Variants in ABCA13 observed in about 807,000 individuals in gnomAD.
ABCA13 encodes the protein ATP binding cassette subfamily A member 13.
Under a neutral mutation model 478.7 loss-of-function variants are expected in ABCA13, and 476 were observed. That is an observed-to-expected ratio of 0.99 (90% confidence interval 0.92 to 1.07). ABCA13 has a LOEUF of 1.07. Ranked by LOEUF, ABCA13 falls within the 50% of genes least tolerant of loss-of-function variation. The probability of loss-of-function intolerance (pLI) is 0.00; values close to 1 mark genes in which losing one functional copy is unlikely to be tolerated. For synonymous variants in ABCA13, 2,252 were observed against 2,158.9 expected (o/e 1.04, Z -1.20); for missense variants, 6,060 against 5,910.6 (o/e 1.03, Z -0.83).
chr7:48,450,979 TTTTTTCTTTTC>T (rs994186097), intron 42 of ABCA13, among the ~76,000 whole-genome samples: 2 of 150,636 alleles, frequency 1.3e-5, no homozygotes, highest in African/African-American at 4.9e-5. Context: ...ATTCTTTTTT[TTTTTTCTTTTC>T]TTTTTCTTTT....
At chr7:48,391,480 T>C (rs1349884437) in intron 37 of ABCA13, among the ~76,000 whole-genome samples, 1 of 152,206 alleles carries the variant, frequency 6.6e-6, no homozygotes, top group Non-Finnish European at 1.5e-5. Flanking sequence ...TTCAATAAAT[T>C]GCAAGAGATA....
intron 3 of ABCA13, among the ~76,000 whole-genome samples, chr7:48,214,008 C>T (rs1189733181): frequency 1.3e-5 from 2 of 152,196 alleles, no homozygotes; most frequent in African/African-American, 4.8e-5. Context: ...AAATTTGAAT[C>T]ACTATCTATG....
intron 1 of ABCA13, among the ~76,000 whole-genome samples, chr7:48,181,983 C>G (rs533144961): frequency 6.6e-6 from 1 of 152,208 alleles, no homozygotes; most frequent in South Asian, 2.1e-4. Flanking sequence ...CTGGAGTCAT[C>G]TTGGCCAACT....
At chr7:48,607,598 G>T (rs1194824080) in intron 58 of ABCA13, among the ~76,000 whole-genome samples, 1 of 152,152 alleles carries the variant, frequency 6.6e-6, no homozygotes, top group African/African-American at 2.4e-5. Flanking sequence ...TAGCATCTGA[G>T]AACACTTATG....
chr7:48,313,308 C>T (rs1476646888), intron 25 of ABCA13, 77 bp downstream of exon 25: 12 of 1,412,456 alleles, frequency 8.5e-6, no homozygotes, highest in Admixed American at 2.3e-5. Context: ...TTGCCTTTAT[C>T]TTCCCACATC....
chr7:48,576,098 G>A (rs918105562), intron 55 of ABCA13, among the ~76,000 whole-genome samples: 1 of 152,074 alleles, frequency 6.6e-6, no homozygotes, highest in Admixed American at 6.6e-5. Context: ...AAAGTATTTG[G>A]GAAGATGTAT....
At chr7:48,587,012 T>A in intron 56 of ABCA13, 142 bp from the exon 57 acceptor site, 1 of 1,092,778 alleles carries the variant, frequency 9.2e-7, no homozygotes, top group East Asian at 2.6e-5. Context: ...TAAAGGGGGA[T>A]GTTTCAGGAG....
chr7:48,365,604 G>A (rs1050072644), intron 31 of ABCA13, among the ~76,000 whole-genome samples: 1 of 152,180 alleles, frequency 6.6e-6, no homozygotes, highest in African/African-American at 2.4e-5. Context: ...TATGGCAAGA[G>A]ATAAGGCTCT....
intron 3 of ABCA13, among the ~76,000 whole-genome samples, chr7:48,212,432 T>C (rs2128946413): frequency 6.6e-6 from 1 of 152,350 alleles, no homozygotes; most frequent in Middle Eastern, 3.4e-3. Context: ...AATATTTTAA[T>C]TTTTCTTGGG....
intron 42 of ABCA13, among the ~76,000 whole-genome samples, chr7:48,438,900 A>T (rs796286986): frequency 0.016 from 1,586 of 98,458 alleles, 12 homozygotes; most frequent in African/African-American, 0.028. Flanking sequence ...TTTTTTTTTT[A>T]AAAAACTAAT....
chr7:48,555,650 A>G (rs1243286922), intron 55 of ABCA13, among the ~76,000 whole-genome samples: 1 of 151,792 alleles, frequency 6.6e-6, no homozygotes, highest in Non-Finnish European at 1.5e-5. Flanking sequence ...TTGCTGTGGT[A>G]TCAGTTGTAA....
At chr7:48,626,616 C>G (rs1343650582) in intron 59 of ABCA13, 1 of 985,268 alleles carries the variant, frequency 1.0e-6, no homozygotes, top group Non-Finnish European at 1.2e-6. Flanking sequence ...TTAAATAAGA[C>G]AAACTGAAGT....
At chr7:48,516,640 C>G in intron 51 of ABCA13, 85 bp from the exon 52 acceptor site, 1 of 1,379,388 alleles carries the variant, frequency 7.2e-7, no homozygotes, top group Non-Finnish European at 1.0e-6. Context: ...GGATTCACCC[C>G]AAGGTCTTAG....
intron 59 of ABCA13, among the ~76,000 whole-genome samples, chr7:48,615,669 A>G (rs918521653): frequency 7.2e-5 from 11 of 152,214 alleles, no homozygotes; most frequent in African/African-American, 2.4e-4. Flanking sequence ...ATAAGATTGC[A>G]GAGTCAAGAT....
chr7:48,529,250 A>C (rs17662893), intron 55 of ABCA13, among the ~76,000 whole-genome samples: 24,893 of 152,154 alleles, frequency 0.16, 2,239 homozygotes, highest in East Asian at 0.29. Context: ...CCTAACAGCA[A>C]ACTGGGCTCA....
chr7:48,614,553 A>G (rs1792357648), intron 58 of ABCA13, among the ~76,000 whole-genome samples: 1 of 151,078 alleles, frequency 6.6e-6, no homozygotes, highest in African/African-American at 2.4e-5. Context: ...CCAAAGGACT[A>G]TAAATCATGC....
chr7:48,421,138 G>A (rs922407043), intron 41 of ABCA13, among the ~76,000 whole-genome samples: 1 of 151,996 alleles, frequency 6.6e-6, no homozygotes, highest in Admixed American at 6.6e-5. Flanking sequence ...TTTTTTCCCA[G>A]GTAAAGTGGA....
chr7:48,288,116 A>G (rs760464033), intron 20 of ABCA13, 38 bp downstream of exon 20: 2 of 1,569,528 alleles, frequency 1.3e-6, no homozygotes, highest in Non-Finnish European at 1.8e-6. Flanking sequence ...TTTCATGTTC[A>G]TGACTATTGG....
At chr7:48,561,830 TG>T (rs935347805) in intron 55 of ABCA13, among the ~76,000 whole-genome samples, 11 of 147,316 alleles carry the variant, frequency 7.5e-5, no homozygotes, top group South Asian at 2.1e-4. Context: ...TTTTCTCCTA[TG>T]TTTTTTTTTC....
Sources: allele counts gnomAD v4.1 joint callset (sites outside exome capture counted in the v4.1 genomes callset), GRCh38; gene constraint gnomAD v4.1.1; transcripts MANE v1.5; gene names NCBI Gene and HGNC (gene_info 2026-07-23, HGNC 2026-07-21).